Variants in FAM204A observed in about 807,000 individuals in gnomAD.
FAM204A encodes family with sequence similarity 204 member A, also known as protein FAM204A.
FAM204A carries 16 observed loss-of-function variants against 35.4 expected under a neutral mutation model. The observed-to-expected ratio is 0.45, with a 90% CI of 0.31 to 0.69. FAM204A has a LOEUF of 0.69. Ranked by LOEUF, FAM204A falls within the 30% of genes least tolerant of loss-of-function variation. The probability of loss-of-function intolerance (pLI) is 0.07; values close to 1 mark genes in which losing one functional copy is unlikely to be tolerated. For missense variants in FAM204A, 240 were observed against 265.7 expected, an observed-to-expected ratio of 0.90 and a Z score of 0.67; for synonymous variants, 76 against 86.9, an observed-to-expected ratio of 0.88 and a Z score of 0.70.
At position 118,299,925 on chromosome 10, in the gene FAM204A, A is replaced by G. The variant is rs1026077641; in HGVS notation, c.*10932T>C. ...TATCAATAGGAATCTAAAATACTTG[A>G]ATTGCTTTAATCCTTTGCTATCCCT... On this transcript the variant is annotated 3_prime_UTR_variant, in exon 9 of 9. Coordinates refer to ENST00000369183, the MANE Select transcript of FAM204A (RefSeq NM_022063.3). 1.3e-5 allele frequency: 2 copies of G among 152,228 alleles called. No homozygotes were observed. The highest frequency in any genetic ancestry group is 2.9e-5 in the Non-Finnish European group (2 of 68,036). 9.4% of individuals were successfully genotyped at this position (152,228 alleles called of 1,614,324 possible).
intron 3 of FAM204A, 72 bp from the exon 4 acceptor site, chr10:118,335,713 G>T: frequency 8.9e-7 from 1 of 1,128,438 alleles, no homozygotes; most frequent in Non-Finnish European, 1.3e-6. Context: ...AAATAATGAA[G>T]TAATAAAACA....
chr10:118,321,426 A>C (rs1335426313), intron 7 of FAM204A, among the ~76,000 whole-genome samples: 2 of 152,196 alleles, frequency 1.3e-5, no homozygotes, highest in Admixed American at 1.3e-4. Flanking sequence ...AACATTTTCC[A>C]GATGTTTTTC....
chr10:118,300,283 C>G lies in FAM204A; in HGVS notation c.*10574G>C, dbSNP rs951591603. ...CAGAGGGAGATGAGGAAATGAGGAG[C>G]TTTGGGAAAACTTGGCTTTCAAAAA... On this transcript the variant is annotated 3_prime_UTR_variant, in exon 9 of 9. Coordinates refer to ENST00000369183, the MANE Select transcript of FAM204A (RefSeq NM_022063.3). 6.6e-6 allele frequency: 1 copy of G among 152,110 alleles called. No homozygotes were observed. The allele number at this position is 152,110 out of a possible 1,614,324, so 9.4% of individuals were successfully genotyped here. A position where few individuals can be genotyped will look rare whatever the true frequency, so the allele number is the denominator to read the frequency against.
rs190768663 is a variant in FAM204A, at chr10:118,331,895, G to C, written c.453+3219C>G. On this transcript the variant is annotated intron_variant, in intron 6 of 8. Transcript: ENST00000369183. Reference sequence around the variant, plus strand: ...TACCCACTTAAAATCAATTGAGTCGGCTGGGTGTGATGGCTCATGCCTATA... The same window carrying C: ...TACCCACTTAAAATCAATTGAGTCGCCTGGGTGTGATGGCTCATGCCTATA... 4.6e-4 allele frequency among the ~76,000 whole-genome samples: 68 copies of C among 148,908 alleles called. 1 individual carries two copies. In the East Asian group the frequency reaches 0.012, roughly 27 times the overall value.
chr10:118,336,815 A>G (rs1846396290), intron 2 of FAM204A, among the ~76,000 whole-genome samples: 2 of 152,220 alleles, frequency 1.3e-5, no homozygotes. Context: ...TTAAAATACC[A>G]TATTTGAAGC....
chr10:118,336,280 T>C lies in FAM204A; in HGVS notation c.136A>G (p.Ile46Val). 1 of 1,614,012 alleles carries C rather than the reference T, an allele frequency of 6.2e-7. No individual in the cohort carries two copies. The highest frequency in any genetic ancestry group is 8.5e-7 in the Non-Finnish European group (1 of 1,179,880). ...GGTTCATCTGTTGAGAAATCTATGA[T>C]TTCTGTTTTTCTGATGCTCTCATCC... ...KEDESIRKTE[I>V]IDFSTDEPKT... Residue 46 changes from isoleucine to valine, a missense_variant, in exon 3 of 9, where the codon ATC becomes GTC. Ile to Val is a conservative substitution (Grantham distance 29). Around this residue, in one of 2 missense-constraint regions of FAM204A, gnomAD observed 232 missense variants for 242.8 expected, o/e 0.96. Transcript: ENST00000369183.
At chr10:118,323,902 C>T (rs1004398965) in intron 7 of FAM204A, among the ~76,000 whole-genome samples, 34 of 152,082 alleles carry the variant, frequency 2.2e-4, no homozygotes, top group African/African-American at 8.0e-4. Context: ...AGTCTACTTA[C>T]TAACAAACAA....
intron 6 of FAM204A, among the ~76,000 whole-genome samples, chr10:118,330,600 T>G (rs17097480): frequency 0.21 from 31,512 of 152,180 alleles, 3,609 homozygotes; most frequent in East Asian, 0.34. Context: ...ATTTTCAGCT[T>G]TGTTTTTAGC....
At chr10:118,317,755 T>C (rs976155623) in intron 7 of FAM204A, among the ~76,000 whole-genome samples, 2 of 152,100 alleles carry the variant, frequency 1.3e-5, no homozygotes, top group Non-Finnish European at 2.9e-5. Flanking sequence ...TTGATCTACA[T>C]GTAATAACTG....
Position 118,311,330 on chromosome 10 carries a change from A to AC in FAM204A, c.544-18_544-17insG. The AC allele has an allele frequency of 7.4e-7, 1 of 1,360,160 alleles. No homozygotes were observed. The highest frequency in any genetic ancestry group is 1.3e-5 in the South Asian group (1 of 77,492). 84.3% of individuals were successfully genotyped at this position (1,360,160 alleles called of 1,614,324 possible). A position where few individuals can be genotyped will look rare whatever the true frequency, so the allele number is the denominator to read the frequency against. ...TACACCAAGCTAAGAATTACAAAGG[A>AC]GAAAAAAAAAGTGAAAATAAATATT... On this transcript the variant is annotated splice_polypyrimidine_tract_variant and intron_variant, in intron 7 of 8. Coordinates refer to ENST00000369183, the MANE Select transcript of FAM204A (RefSeq NM_022063.3).
chr10:118,339,218 T>C (rs1846435203), intron 2 of FAM204A, among the ~76,000 whole-genome samples: 1 of 152,208 alleles, frequency 6.6e-6, no homozygotes, highest in African/African-American at 2.4e-5. Flanking sequence ...TGCCACTTAC[T>C]GTGCAGCCTG....
rs935187253 is a variant in FAM204A at position 118,308,974 on chromosome 10, A to C, written c.*1883T>G. ...TATCTATACCACTCGCCTGCTCAAA[A>C]ATAACATTTTTAGGATTTCAGACAA... On this transcript the variant is annotated 3_prime_UTR_variant, in exon 9 of 9. Transcript: ENST00000369183. The C allele has an allele frequency of 5.3e-5, 8 of 152,324 alleles. No individual in the cohort carries two copies. Among genetic ancestry groups the C allele is most frequent in the African/African-American group, 1.7e-4 (7 of 41,564 alleles). 9.4% of individuals were successfully genotyped at this position (152,324 alleles called of 1,614,324 possible).
chr10:118,303,457 C>T lies in FAM204A; in HGVS notation c.*7400G>A, dbSNP rs1159972357. On this transcript the variant is annotated 3_prime_UTR_variant, in exon 9 of 9. Transcript: ENST00000369183. ...CCTCCACCCCTTCCATCCATCCCTC[C>T]TTTCATCCCATGTAAAATGCTGGCC... 2 of 152,232 alleles carry T rather than the reference C, an allele frequency of 1.3e-5. No individual in the cohort carries two copies. The allele number at this position is 152,232 out of a possible 1,614,324, so 9.4% of individuals were successfully genotyped here. A position where few individuals can be genotyped will look rare whatever the true frequency, so the allele number is the denominator to read the frequency against.
chr10:118,328,494 GT>G (rs35224218), intron 6 of FAM204A, among the ~76,000 whole-genome samples: 22,826 of 137,534 alleles, frequency 0.17, 1,820 homozygotes, highest in Admixed American at 0.26. Flanking sequence ...TATGTCAACT[GT>G]TTTTTTTTTT....
chr10:118,324,181 C>T (rs1051470981), intron 7 of FAM204A, among the ~76,000 whole-genome samples: 4 of 152,074 alleles, frequency 2.6e-5, no homozygotes, highest in African/African-American at 9.6e-5. Context: ...AATAAGGCTA[C>T]CTTAGAGATG....
intron 6 of FAM204A, among the ~76,000 whole-genome samples, chr10:118,327,616 A>G (rs1052472817): frequency 6.6e-6 from 1 of 152,190 alleles, no homozygotes; most frequent in Non-Finnish European, 1.5e-5. Flanking sequence ...CTGATGGTCC[A>G]AACAACACCC....
Position 118,300,501 on chromosome 10 carries a change from C to G in FAM204A, c.*10356G>C, listed in dbSNP as rs1845797071. 6.6e-6 allele frequency: 1 copy of G among 152,132 alleles called. No homozygotes were observed. The highest frequency in any genetic ancestry group is 1.5e-5 in the Non-Finnish European group (1 of 68,038). The allele number at this position is 152,132 out of a possible 1,614,324, so 9.4% of individuals were successfully genotyped here. On this transcript the variant is annotated 3_prime_UTR_variant, in exon 9 of 9. Coordinates refer to ENST00000369183, the MANE Select transcript of FAM204A (RefSeq NM_022063.3). ...GGCCCATTAGATCATGGTGGTGTAG[C>G]CTAGGGCACTGATTAACATTGGCTG... is the stretch of plus-strand genomic sequence containing the variant.
rs1845898007 is a variant in FAM204A at position 118,308,418 on chromosome 10, A to G, written c.*2439T>C. 1 of 152,190 alleles carries G rather than the reference A, an allele frequency of 6.6e-6. No individual in the cohort carries two copies. The highest frequency in any genetic ancestry group is 1.5e-5 in the Non-Finnish European group (1 of 68,038). The allele number at this position is 152,190 out of a possible 1,614,324, so 9.4% of individuals were successfully genotyped here. A position where few individuals can be genotyped will look rare whatever the true frequency, so the allele number is the denominator to read the frequency against. ...TTTGAGCAGCATGCGTACTCAAGGA[A>G]TAATGTTTCTAGGAGTAAAATACCT... On this transcript the variant is annotated 3_prime_UTR_variant, in exon 9 of 9. Coordinates refer to ENST00000369183, the MANE Select transcript of FAM204A (RefSeq NM_022063.3).
chr10:118,338,675 G>A (rs1846425382), intron 2 of FAM204A, among the ~76,000 whole-genome samples: 1 of 152,202 alleles, frequency 6.6e-6, no homozygotes, highest in Non-Finnish European at 1.5e-5. Context: ...TTTGAGCCAA[G>A]TATTCCTTGA....
Sources: gnomAD v4.1 joint callset for allele counts (sites outside exome capture counted in the v4.1 genomes callset) on GRCh38, gnomAD v4.1.1 for gene constraint, gnomAD v4.1.1 regional missense constraint, MANE v1.5 for transcripts, NCBI Gene and HGNC (gene_info 2026-07-23, HGNC 2026-07-21) for gene names.